The following ACTR6 variants were observed in gnomAD, a reference collection of about 807,000 sequenced individuals.
ACTR6 encodes actin-related protein 6.
In ACTR6, 50 loss-of-function variants were observed where a neutral mutation model predicts 52.5. That is an observed-to-expected ratio of 0.95 (90% CI 0.76 to 1.20). The LOEUF (loss-of-function observed/expected upper bound fraction) is 1.20. ACTR6 is among the 50% of genes most tolerant of loss of function. The probability of loss-of-function intolerance (pLI) is 0.00; values close to 1 mark genes in which losing one functional copy is unlikely to be tolerated. For synonymous variants in ACTR6, 135 were observed against 147.2 expected, an observed-to-expected ratio of 0.92 and a Z score of 0.60; for missense variants, 344 against 472.4, an observed-to-expected ratio of 0.73 and a Z score of 2.52.
intron 1 of ACTR6, chr12:100,203,997 A>C (rs2096112269): frequency 1.3e-5 from 2 of 152,232 alleles, no homozygotes; most frequent in African/African-American, 4.8e-5. Flanking sequence ...TCTGTGTTAA[A>C]GCCAGAAAGA....
rs1334583377 is a variant in ACTR6 at position 100,218,334 on chromosome 12, A to G, written c.751-81A>G. On this transcript the variant is annotated intron_variant, in intron 8 of 10. Transcript: ENST00000188312. This position sits in a 1 kb window ranked among gnomAD's most constrained non-coding sequence, Gnocchi z 4.2. ...TAATATATTATTAATATATTATTGCATATATAATTGCATATTACTAATTAT... is the reference window on the plus strand; with the variant it reads ...TAATATATTATTAATATATTATTGCGTATATAATTGCATATTACTAATTAT... The G allele has an allele frequency of 1.1e-6, 1 of 885,504 alleles. No individual in the cohort carries two copies. The highest frequency in any genetic ancestry group is 1.6e-6 in the Non-Finnish European group (1 of 618,146). 54.9% of individuals were successfully genotyped at this position (885,504 alleles called of 1,614,324 possible).
At chr12:100,212,660 T>TAA (rs146130082) in intron 8 of ACTR6, 132 bp downstream of exon 8, 248 of 578,602 alleles carry the variant, frequency 4.3e-4, no homozygotes, top group African/African-American at 4.2e-3. Flanking sequence ...ATTATAAAAT[T>TAA]AAAAAAAAAA....
Position 100,218,678 on chromosome 12 carries a change from C to A in ACTR6, c.922+92C>A. On this transcript the variant is annotated intron_variant, in intron 9 of 10. Transcript: ENST00000188312. This position sits in a 1 kb window ranked among gnomAD's most constrained non-coding sequence, Gnocchi z 4.2. ...CCTGTTTCCTCTAAATAATTTCAGG[C>A]AAATTGGTGAGTCTGTTTTATTTGC... 2.5e-6 allele frequency: 2 copies of A among 791,894 alleles called. No individual in the cohort carries two copies. Among genetic ancestry groups the A allele is most frequent in the Non-Finnish European group, 3.5e-6 (2 of 573,388 alleles). The allele number at this position is 791,894 out of a possible 1,614,324, so 49.1% of individuals were successfully genotyped here.
Position 100,210,056 on chromosome 12 carries a change from TA to T in ACTR6, c.380-16del. 2 of 1,561,728 alleles carry T rather than the reference TA, an allele frequency of 1.3e-6. No individual in the cohort carries two copies. The highest frequency in any genetic ancestry group is 1.7e-6 in the Non-Finnish European group (2 of 1,162,042). ...AGTGTTATATTTTTGTTCACTTTTT[TA>T]TCTTTTTTTAAATAGCTGGGGCTCT... On this transcript the variant is annotated splice_polypyrimidine_tract_variant and intron_variant, in intron 4 of 10. Transcript: ENST00000188312.
chr12:100,209,832 G>A (rs1248972710), intron 4 of ACTR6, among the ~76,000 whole-genome samples: 2 of 152,150 alleles, frequency 1.3e-5, no homozygotes, highest in African/African-American at 2.4e-5. Flanking sequence ...AAACTATGGA[G>A]TGAATATTTA....
chr12:100,220,291 G>GA, intron 10 of ACTR6, 145 bp downstream of exon 10: 1 of 828,260 alleles, frequency 1.2e-6, no homozygotes, highest in Non-Finnish European at 1.9e-6. Flanking sequence ...TTCAAAAATT[G>GA]AAATGATAAA....
intron 1 of ACTR6, chr12:100,201,133 G>A (rs558627469): frequency 1.6e-6 from 2 of 1,284,816 alleles, no homozygotes; most frequent in Admixed American, 2.9e-5. Flanking sequence ...CCGGAAGTGG[G>A]ATATATGTTT....
At chr12:100,202,148 G>T (rs1029656874) in intron 1 of ACTR6, among the ~76,000 whole-genome samples, 2 of 152,142 alleles carry the variant, frequency 1.3e-5, no homozygotes, top group Non-Finnish European at 2.9e-5. Context: ...GGCCATGCTG[G>T]TCTGGAATTC....
At chr12:100,216,359 G>A (rs886283963) in intron 8 of ACTR6, among the ~76,000 whole-genome samples, 3 of 152,188 alleles carry the variant, frequency 2.0e-5, no homozygotes, top group African/African-American at 4.8e-5. Flanking sequence ...GAGGTACCAC[G>A]CTCATCTATG....
chr12:100,202,184 G>C (rs956491903), intron 1 of ACTR6, among the ~76,000 whole-genome samples: 5 of 152,116 alleles, frequency 3.3e-5, no homozygotes, highest in African/African-American at 1.2e-4. Flanking sequence ...GCCTGCTTCA[G>C]CCTCCTAAAG....
chr12:100,212,128 C>T (rs2096120354), intron 6 of ACTR6, 128 bp from the exon 7 acceptor site: 1 of 616,560 alleles, frequency 1.6e-6, no homozygotes, highest in Non-Finnish European at 2.8e-6. Context: ...AATTATTTTA[C>T]ACATTCAAGA....
intron 1 of ACTR6, among the ~76,000 whole-genome samples, chr12:100,201,651 G>C (rs2096109767): frequency 6.6e-6 from 1 of 152,198 alleles, no homozygotes; most frequent in African/African-American, 2.4e-5. Flanking sequence ...TTTTGGCAAT[G>C]TGTATCATTA....
chr12:100,212,211 G>T, intron 6 of ACTR6, 45 bp from the exon 7 acceptor site: 1 of 1,317,122 alleles, frequency 7.6e-7, no homozygotes, highest in Non-Finnish European at 1.0e-6. Context: ...TATAAATTAT[G>T]TTTAATTGTT....
chr12:100,222,259 T>TG (rs1252805792), intron 10 of ACTR6, among the ~76,000 whole-genome samples: 39 of 145,460 alleles, frequency 2.7e-4, no homozygotes, highest in Non-Finnish European at 5.6e-4. Flanking sequence ...GGCTTTGGGT[T>TG]TTTTTTTTTT....
chr12:100,222,257 G>GTTT (rs35143045), intron 10 of ACTR6, among the ~76,000 whole-genome samples: 30 of 123,442 alleles, frequency 2.4e-4, no homozygotes, highest in African/African-American at 3.5e-4. Flanking sequence ...CTGGCTTTGG[G>GTTT]TTTTTTTTTT....
intron 10 of ACTR6, chr12:100,221,684 C>T (rs1269407636): frequency 1.3e-5 from 2 of 151,962 alleles, no homozygotes; most frequent in African/African-American, 4.8e-5. Flanking sequence ...AATTCTACCA[C>T]TTTGGGTGGC....
At position 100,218,227 on chromosome 12, in the gene ACTR6, G is replaced by A. The variant is rs1360407140; in HGVS notation, c.751-188G>A. Among the ~76,000 whole-genome samples the A allele has an allele frequency of 6.6e-6, 1 of 151,942 alleles. No individual in the cohort carries two copies. Among genetic ancestry groups the A allele is most frequent in the Non-Finnish European group, 1.5e-5 (1 of 67,972 alleles). On this transcript the variant is annotated intron_variant, in intron 8 of 10. Transcript: ENST00000188312. The surrounding 1 kb of genome is among the most constrained non-coding windows in gnomAD (Gnocchi z 4.2). ...TTAGCGTCAGTAATTATTTAGTTGT[G>A]TTTTGTGTGATTTTGGCAACAGTAA...
chr12:100,218,988 G>T lies in ACTR6; in HGVS notation c.922+402G>T, dbSNP rs76827462. On this transcript the variant is annotated intron_variant, in intron 9 of 10. Coordinates refer to ENST00000188312, the MANE Select transcript of ACTR6 (RefSeq NM_022496.5). The surrounding 1 kb of genome is among the most constrained non-coding windows in gnomAD (Gnocchi z 4.2). ...CTGCTATATTTAGAGTAACATACAGGATTAATTTTAAAGAGATTGGAATAT... is the reference window on the plus strand; with the variant it reads ...CTGCTATATTTAGAGTAACATACAGTATTAATTTTAAAGAGATTGGAATAT... 0.063 allele frequency among the ~76,000 whole-genome samples: 9,557 copies of T among 151,692 alleles called. 329 individuals are homozygous for T. The highest frequency in any genetic ancestry group is 0.14 in the Middle Eastern group (42 of 292).
chr12:100,223,356 G>C (rs905637023), intron 10 of ACTR6, among the ~76,000 whole-genome samples: 2 of 151,958 alleles, frequency 1.3e-5, no homozygotes, highest in African/African-American at 4.8e-5. Flanking sequence ...AAAAAAGAAA[G>C]AAAGTGGGAG....
Sources: gnomAD v4.1 joint callset for allele counts (sites outside exome capture counted in the v4.1 genomes callset) on GRCh38, gnomAD v4.1.1 for gene constraint, Gnocchi (gnomAD v3.1) non-coding constraint, MANE v1.5 for transcripts, NCBI Gene and HGNC (gene_info 2026-07-23, HGNC 2026-07-21) for gene names.